KCND3: variants seen among roughly 807,000 people sequenced by gnomAD.
The protein encoded by KCND3 is potassium voltage-gated channel subfamily D member 3.
KCND3 carries 9 observed loss-of-function variants against 51.1 expected under a neutral mutation model. The ratio of observed to expected loss-of-function variants is 0.18; its 90% CI spans 0.11 to 0.31. The LOEUF is 0.31. KCND3 is among the 10% of genes least tolerant of loss of function. KCND3 has a pLI of 1.00. For missense variants in KCND3, 526 were observed against 903.8 expected, an observed-to-expected ratio of 0.58 and a Z score of 5.36; for synonymous variants, 349 against 368.0, an observed-to-expected ratio of 0.95 and a Z score of 0.59.
chr1:111,896,336 A>C (rs1285971966), intron 2 of KCND3, among the ~76,000 whole-genome samples: 1 of 152,220 alleles, frequency 6.6e-6, no homozygotes, highest in Admixed American at 6.5e-5. Context: ...CTTCACCCAG[A>C]AGATCTCAGC....
At chr1:111,873,083 C>G (rs748681952) in intron 2 of KCND3, among the ~76,000 whole-genome samples, 3 of 152,220 alleles carry the variant, frequency 2.0e-5, no homozygotes, top group Non-Finnish European at 4.4e-5. Flanking sequence ...TGGCTAATGC[C>G]TCTTTTGGTC....
At chr1:111,928,972 C>T (rs192146633) in intron 2 of KCND3, among the ~76,000 whole-genome samples, 2 of 152,314 alleles carry the variant, frequency 1.3e-5, no homozygotes, top group African/African-American at 4.8e-5. Flanking sequence ...AATAGAGCCT[C>T]CTGCAAACTT....
chr1:111,958,914 A>G (rs1273510775), intron 2 of KCND3, among the ~76,000 whole-genome samples: 1 of 152,220 alleles, frequency 6.6e-6, no homozygotes, highest in Non-Finnish European at 1.5e-5. Context: ...GCCGGAGGCC[A>G]TATGCCATGT....
intron 2 of KCND3, among the ~76,000 whole-genome samples, chr1:111,872,629 T>C (rs907790967): frequency 2.0e-5 from 3 of 151,900 alleles, no homozygotes; most frequent in Admixed American, 2.0e-4. Context: ...GAGCAAAATT[T>C]TAGGGTGGGC....
Position 111,982,743 on chromosome 1 carries a change from G to A in KCND3, c.-17C>T. ...GGCCGCCATGGTGACTCCAGCTCTTGGGCCGGCAGCCGCGCGGACGCTAGG... is the reference window on the plus strand; with the variant it reads ...GGCCGCCATGGTGACTCCAGCTCTTAGGCCGGCAGCCGCGCGGACGCTAGG... On this transcript the variant is annotated 5_prime_UTR_variant, in exon 2 of 8. Transcript: ENST00000302127. This position sits in a 1 kb window ranked among gnomAD's most constrained non-coding sequence, Gnocchi z 8.5. 2 of 1,598,208 alleles carry A rather than the reference G, an allele frequency of 1.3e-6. No individual in the cohort carries two copies. Among genetic ancestry groups the A allele is most frequent in the African/African-American group, 1.3e-5 (1 of 74,916 alleles).
At position 111,981,914 on chromosome 1, in the gene KCND3, G is replaced by A; in HGVS notation, c.813C>T (p.Tyr271=). The A allele has an allele frequency of 1.2e-6, 2 of 1,614,142 alleles. No homozygotes were observed. The highest frequency in any genetic ancestry group is 1.7e-6 in the Non-Finnish European group (2 of 1,180,020). The change falls in exon 2 of 8, where the codon TAC becomes TAT. Residue 271 remains tyrosine, a synonymous_variant. Coordinates refer to ENST00000302127, the MANE Select transcript of KCND3 (RefSeq NM_001378969.1). The surrounding 1 kb of genome is among the most constrained non-coding windows in gnomAD (Gnocchi z 6.2). ...IIDVVAIMPY[Y]IGLVMTNNED... Reference sequence around the variant, plus strand: ...CGTTGTTGGTCATGACCAGACCGATGTAGTAGGGCATGATGGCCACCACGT... The same window carrying A: ...CGTTGTTGGTCATGACCAGACCGATATAGTAGGGCATGATGGCCACCACGT...
rs1475123912 is a variant in KCND3 at position 111,780,088 on chromosome 1, C to T, written c.1461+137G>A. ...TCCTCAGGGTCTTCCACCTGAGGGC[C>T]AGTAGATCCCATCACTACCTTTTGG... On this transcript the variant is annotated intron_variant, in intron 5 of 7. Transcript: ENST00000302127. This position sits in a 1 kb window ranked among gnomAD's most constrained non-coding sequence, Gnocchi z 4.2. 1.0e-6 allele frequency: 1 copy of T among 964,350 alleles called. No individual in the cohort carries two copies. The highest frequency in any genetic ancestry group is 1.6e-5 in the African/African-American group (1 of 61,744). The allele number at this position is 964,350 out of a possible 1,614,324, so 59.7% of individuals were successfully genotyped here. A position where few individuals can be genotyped will look rare whatever the true frequency, so the allele number is the denominator to read the frequency against.
chr1:111,971,498 G>A (rs1674328759), intron 2 of KCND3, among the ~76,000 whole-genome samples: 1 of 152,212 alleles, frequency 6.6e-6, no homozygotes, highest in African/African-American at 2.4e-5. Context: ...AGGTGCCAGA[G>A]AAGTAGGGCA....
intron 2 of KCND3, among the ~76,000 whole-genome samples, chr1:111,916,102 G>A (rs1571846055): frequency 6.6e-6 from 1 of 152,192 alleles, no homozygotes; most frequent in Non-Finnish European, 1.5e-5. Context: ...TAGAACACTC[G>A]AACCAACAAC....
At chr1:111,846,922 G>A (rs1384474200) in intron 2 of KCND3, among the ~76,000 whole-genome samples, 1 of 152,216 alleles carries the variant, frequency 6.6e-6, no homozygotes. Flanking sequence ...CAGCACGGTA[G>A]TACCTGTGTT....
intron 2 of KCND3, among the ~76,000 whole-genome samples, chr1:111,954,548 G>A (rs7514512): frequency 0.047 from 7,233 of 152,288 alleles, 546 homozygotes; most frequent in African/African-American, 0.16. Context: ...AGCTGAAAGT[G>A]AAGTTGCTTT....
Position 111,780,867 on chromosome 1 carries a change from G to T in KCND3, c.1270-76C>A. 1 of 1,281,906 alleles carries T rather than the reference G, an allele frequency of 7.8e-7. No homozygotes were observed. The highest frequency in any genetic ancestry group is 1.1e-6 in the Non-Finnish European group (1 of 903,466). 79.4% of individuals were successfully genotyped at this position (1,281,906 alleles called of 1,614,324 possible). ...GACAGCAAGGCTGGTGAAGCTGTGA[G>T]GCTGGCTTCCCAGGTGACACCTGAT... On this transcript the variant is annotated intron_variant, in intron 3 of 7. Coordinates refer to ENST00000302127, the MANE Select transcript of KCND3 (RefSeq NM_001378969.1). The surrounding 1 kb of genome is among the most constrained non-coding windows in gnomAD (Gnocchi z 4.2).
chr1:111,787,128 G>A, intron 2 of KCND3, 22 bp from the exon 3 acceptor site: 1 of 1,613,716 alleles, frequency 6.2e-7, no homozygotes, highest in Non-Finnish European at 8.5e-7. Flanking sequence ...AGAGAAACAG[G>A]GTGTAAGGGA....
At chr1:111,898,810 G>A (rs527368799) in intron 2 of KCND3, among the ~76,000 whole-genome samples, 1 of 152,160 alleles carries the variant, frequency 6.6e-6, no homozygotes, top group African/African-American at 2.4e-5. Flanking sequence ...GCAGAGTTGG[G>A]GGTAGAGGAC....
At chr1:111,831,856 G>T (rs1234173187) in intron 2 of KCND3, among the ~76,000 whole-genome samples, 1 of 152,188 alleles carries the variant, frequency 6.6e-6, no homozygotes, top group Non-Finnish European at 1.5e-5. Flanking sequence ...GATCCTTGAG[G>T]CCAGGAATGG....
At chr1:111,892,432 C>G (rs773122014) in intron 2 of KCND3, among the ~76,000 whole-genome samples, 3 of 152,220 alleles carry the variant, frequency 2.0e-5, no homozygotes, top group Non-Finnish European at 4.4e-5. Flanking sequence ...AGGGAAGGGG[C>G]TCTGGTGCCC....
Position 111,778,485 on chromosome 1 carries a change from G to A in KCND3, c.1469C>T (p.Ser490Phe). 6.2e-7 allele frequency: 1 copy of A among 1,613,852 alleles called. No individual in the cohort carries two copies. The highest frequency in any genetic ancestry group is 1.1e-5 in the South Asian group (1 of 91,056). Reference protein sequence around the residue: ...LHCLEKTTGLSYLVDDPLLSV... With the variant: ...LHCLEKTTGLFYLVDDPLLSV... ...TAACAGGGGATCATCCACAAGATAGGACAACCCCTACAGGACAACATGCCA... is the reference window on the plus strand; with the variant it reads ...TAACAGGGGATCATCCACAAGATAGAACAACCCCTACAGGACAACATGCCA... The change falls in exon 6 of 8, where the codon TCC (serine) becomes TTC (phenylalanine). Residue 490 changes from serine (S) to phenylalanine (F), a missense_variant. By Grantham distance (155) the Ser-to-Phe change is radical. This residue lies in a region of KCND3 where 266 missense variants were observed against 305.5 expected (regional missense o/e 0.87). Transcript: ENST00000302127.
chr1:111,905,592 T>A (rs1360945322), intron 2 of KCND3, among the ~76,000 whole-genome samples: 1 of 152,178 alleles, frequency 6.6e-6, no homozygotes, highest in Non-Finnish European at 1.5e-5. Context: ...CGCTCTGACC[T>A]GGAGATTCTG....
chr1:111,960,978 G>GT (rs959245022), intron 2 of KCND3, among the ~76,000 whole-genome samples: 8 of 152,100 alleles, frequency 5.3e-5, no homozygotes, highest in African/African-American at 1.9e-4. Flanking sequence ...GCCTTGCCAT[G>GT]TCCCTGCCAG....
Sources: gnomAD v4.1 joint callset for allele counts (sites outside exome capture counted in the v4.1 genomes callset) on GRCh38, gnomAD v4.1.1 for gene constraint, gnomAD v4.1.1 regional missense constraint, Gnocchi (gnomAD v3.1) non-coding constraint, MANE v1.5 for transcripts, NCBI Gene and HGNC (gene_info 2026-07-23, HGNC 2026-07-21) for gene names.